The following CNTNAP5 variants were observed in gnomAD, a reference collection of about 807,000 sequenced individuals.
CNTNAP5 encodes contactin-associated protein-like 5.
In CNTNAP5, 72 loss-of-function variants were observed where a neutral mutation model predicts 150.2. That is an observed-to-expected ratio of 0.48 (90% CI 0.40 to 0.58). The LOEUF is 0.58. CNTNAP5 is among the 20% of genes least tolerant of loss of function. CNTNAP5 has a pLI of 0.00. For missense variants in CNTNAP5, 1,636 were observed against 1,626.2 expected (o/e 1.01, Z -0.10); for synonymous variants, 672 against 619.8 (o/e 1.08, Z -1.25).
chr2:124,776,194 A>G (rs750586822), intron 17 of CNTNAP5, among the ~76,000 whole-genome samples: 1 of 152,210 alleles, frequency 6.6e-6, no homozygotes, highest in Non-Finnish European at 1.5e-5. Flanking sequence ...ATATGCGGCA[A>G]TTATAGAGTG....
chr2:124,222,944 A>G (rs575498166), intron 2 of CNTNAP5, among the ~76,000 whole-genome samples: 5 of 152,242 alleles, frequency 3.3e-5, no homozygotes, highest in African/African-American at 1.2e-4. Flanking sequence ...GTTTAAGAAT[A>G]ATATTCTAAA....
Position 124,916,184 on chromosome 2 carries a change from G to A in CNTNAP5, c.*1896G>A, listed in dbSNP as rs1361191105. Among the ~76,000 whole-genome samples the A allele has an allele frequency of 1.3e-5, 2 of 151,644 alleles. No individual in the cohort carries two copies. Among genetic ancestry groups the A allele is most frequent in the Non-Finnish European group, 2.9e-5 (2 of 67,976 alleles). On this transcript the variant is annotated 3_prime_UTR_variant, in exon 24 of 24. Transcript: ENST00000682447. ...ATATTCTCTCCTCGAAATTTTCTGT[G>A]GATTTGAGCTCAATCGCTTTATCAT... is the stretch of plus-strand genomic sequence containing the variant.
rs148849133 is a variant in CNTNAP5 at position 124,386,962 on chromosome 2, A to T, written c.382-30481A>T. 8.5e-4 allele frequency among the ~76,000 whole-genome samples: 129 copies of T among 152,328 alleles called. 2 individuals carry two copies. Among genetic ancestry groups the T allele is most frequent in the Admixed American group, 2.5e-3 (38 of 15,300 alleles). ...CTTATAATCAGAAGCCAGAGGGCTA[A>T]CTTGCTTTTTTCTTACCATGTGAGG... is the stretch of plus-strand genomic sequence containing the variant. On this transcript the variant is annotated intron_variant, in intron 3 of 23. Coordinates refer to ENST00000682447, the MANE Select transcript of CNTNAP5 (RefSeq NM_001367498.1).
At chr2:124,499,001 C>T (rs1453816413) in intron 7 of CNTNAP5, among the ~76,000 whole-genome samples, 1 of 152,102 alleles carries the variant, frequency 6.6e-6, no homozygotes, top group Non-Finnish European at 1.5e-5. Context: ...TCTGGCCACC[C>T]AGAAAAGCAT....
intron 21 of CNTNAP5, among the ~76,000 whole-genome samples, chr2:124,883,366 T>C (rs1035916251): frequency 1.7e-4 from 26 of 151,984 alleles, no homozygotes; most frequent in African/African-American, 4.1e-4. Flanking sequence ...CCAGCCTGTA[T>C]GTGCCAATTC....
At chr2:124,407,395 G>T (rs1226811848) in intron 3 of CNTNAP5, among the ~76,000 whole-genome samples, 2 of 152,052 alleles carry the variant, frequency 1.3e-5, no homozygotes, top group African/African-American at 2.4e-5. Flanking sequence ...TAGAGGTCAG[G>T]GGAAAGCTTC....
chr2:124,146,012 AG>A (rs1325279648), intron 1 of CNTNAP5, among the ~76,000 whole-genome samples: 1 of 152,060 alleles, frequency 6.6e-6, no homozygotes, highest in Non-Finnish European at 1.5e-5. Flanking sequence ...TATTTTAAAA[AG>A]CATTTTGTGA....
At chr2:124,440,380 G>A (rs559896472) in intron 5 of CNTNAP5, among the ~76,000 whole-genome samples, 1 of 152,050 alleles carries the variant, frequency 6.6e-6, no homozygotes, top group Non-Finnish European at 1.5e-5. Flanking sequence ...AAACATGAGA[G>A]TTCCCATCCC....
intron 13 of CNTNAP5, among the ~76,000 whole-genome samples, chr2:124,690,134 T>TA (rs200636998): frequency 7.6e-4 from 115 of 151,756 alleles, no homozygotes; most frequent in Non-Finnish European, 1.3e-3. Context: ...GAGTGAAAAG[T>TA]AAAAAAAATA....
At chr2:124,806,986 T>C (rs1682095588) in intron 19 of CNTNAP5, among the ~76,000 whole-genome samples, 1 of 151,856 alleles carries the variant, frequency 6.6e-6, no homozygotes, top group Non-Finnish European at 1.5e-5. Context: ...ACTGGAACTC[T>C]AATTAGAGGT....
intron 12 of CNTNAP5, among the ~76,000 whole-genome samples, chr2:124,647,462 G>A (rs577685214): frequency 3.3e-5 from 5 of 152,230 alleles, no homozygotes; most frequent in East Asian, 1.9e-4. Flanking sequence ...TTGACATAGC[G>A]GTATTGCTTC....
intron 8 of CNTNAP5, among the ~76,000 whole-genome samples, chr2:124,510,325 C>CTATA (rs1184644428): frequency 2.4e-4 from 2 of 8,304 alleles, no homozygotes; most frequent in African/African-American, 5.7e-4. Flanking sequence ...ATATATCTAT[C>CTATA]TATATATATA....
intron 7 of CNTNAP5, among the ~76,000 whole-genome samples, chr2:124,481,467 A>G (rs1573403152): frequency 1.3e-5 from 2 of 152,354 alleles, no homozygotes; most frequent in Admixed American, 1.3e-4. Context: ...TATGTAAAGT[A>G]TTAAAGAAAA....
At chr2:124,522,520 T>C (rs1038243302) in intron 8 of CNTNAP5, among the ~76,000 whole-genome samples, 7 of 152,194 alleles carry the variant, frequency 4.6e-5, no homozygotes, top group African/African-American at 1.7e-4. Flanking sequence ...AGAGCCCTCA[T>C]GGAGTCCCAT....
chr2:124,651,909 TC>T (rs915657854), intron 13 of CNTNAP5, among the ~76,000 whole-genome samples: 28 of 152,222 alleles, frequency 1.8e-4, no homozygotes, highest in African/African-American at 6.3e-4. Flanking sequence ...CTACACAGCA[TC>T]CCCAGAGCCT....
intron 13 of CNTNAP5, among the ~76,000 whole-genome samples, chr2:124,720,408 C>T (rs935599745): frequency 9.9e-5 from 15 of 152,136 alleles, no homozygotes; most frequent in African/African-American, 3.6e-4. Context: ...GTAGACACGT[C>T]TGGTTGCTTC....
chr2:124,118,603 G>GAAATA, intron 1 of CNTNAP5, among the ~76,000 whole-genome samples: 1 of 152,118 alleles, frequency 6.6e-6, no homozygotes, highest in Non-Finnish European at 1.5e-5. Context: ...GGTAGTGGAA[G>GAAATA]GTCAAGGAGA....
At chr2:124,407,295 G>A (rs1691597452) in intron 3 of CNTNAP5, among the ~76,000 whole-genome samples, 1 of 152,046 alleles carries the variant, frequency 6.6e-6, no homozygotes, top group South Asian at 2.1e-4. Context: ...GCATTTCTTA[G>A]CAGCTTTATA....
At chr2:124,576,074 A>G (rs1362058384) in intron 11 of CNTNAP5, among the ~76,000 whole-genome samples, 1 of 152,150 alleles carries the variant, frequency 6.6e-6, no homozygotes, top group Non-Finnish European at 1.5e-5. Context: ...ATGATTCTTC[A>G]CTTGGCATAG....
Sources: allele counts gnomAD v4.1 joint callset (sites outside exome capture counted in the v4.1 genomes callset), GRCh38; gene constraint gnomAD v4.1.1; transcripts MANE v1.5; gene names NCBI Gene and HGNC (gene_info 2026-07-23, HGNC 2026-07-21).